The following FCHO1 variants were observed in gnomAD, a reference collection of about 807,000 sequenced individuals.
FCHO1 encodes F-BAR domain only protein 1.
FCHO1 carries 45 observed loss-of-function variants against 114.4 expected under a neutral mutation model. That is an observed-to-expected ratio of 0.39 (90% CI 0.31 to 0.50). The LOEUF (loss-of-function observed/expected upper bound fraction) is 0.50. FCHO1 is among the 20% of genes least tolerant of loss of function. FCHO1 has a pLI of 0.77. For missense variants in FCHO1, 1,042 were observed against 1,209.6 expected (o/e 0.86, Z 2.06); for synonymous variants, 480 against 488.9 (o/e 0.98, Z 0.24).
intron 4 of FCHO1, among the ~76,000 whole-genome samples, chr19:17,759,620 G>A (rs936037312): frequency 3.9e-5 from 6 of 152,022 alleles, no homozygotes; most frequent in African/African-American, 1.4e-4. Flanking sequence ...TCCAAGGGGT[G>A]GAGAGAAGCG....
chr19:17,782,261 G>A (rs1043636218), intron 23 of FCHO1, among the ~76,000 whole-genome samples: 4 of 151,998 alleles, frequency 2.6e-5, no homozygotes, highest in African/African-American at 7.2e-5. Context: ...GGAGTGTAGT[G>A]GCGTGATCTC....
At chr19:17,763,885 T>C (rs2087560010) in intron 5 of FCHO1, among the ~76,000 whole-genome samples, 1 of 151,508 alleles carries the variant, frequency 6.6e-6, no homozygotes, top group Non-Finnish European at 1.5e-5. Flanking sequence ...TAATAAAATA[T>C]ATTACGTAAG....
intron 11 of FCHO1, 67 bp from the exon 12 acceptor site, chr19:17,774,172 G>C (rs777901244): frequency 7.9e-5 from 118 of 1,496,986 alleles, no homozygotes; most frequent in Admixed American, 7.2e-4. Context: ...GCCTCCCAAA[G>C]TGCTGGGATT....
At position 17,775,386 on chromosome 19, in the gene FCHO1, G is replaced by A. The variant is rs543213453; in HGVS notation, c.946-70G>A. 9.5e-6 allele frequency: 14 copies of A among 1,474,818 alleles called. No individual in the cohort carries two copies. Among genetic ancestry groups the A allele is most frequent in the Admixed American group, 3.3e-5 (2 of 59,786 alleles). The allele number at this position is 1,474,818 out of a possible 1,614,324, so 91.4% of individuals were successfully genotyped here. ...AAGGCCTGGGGGCAGGGCGGGGGGC[G>A]GTTGGCAGGGTGAGATGGAAGGTTC... is the stretch of plus-strand genomic sequence containing the variant. On this transcript the variant is annotated intron_variant, in intron 14 of 28. Coordinates refer to ENST00000596536, the MANE Select transcript of FCHO1 (RefSeq NM_015122.3). The surrounding 1 kb of genome is among the most constrained non-coding windows in gnomAD (Gnocchi z 5.1).
rs1342666050 is a variant in FCHO1 at position 17,751,736 on chromosome 19, G to A, written c.-183+159G>A. Among the ~76,000 whole-genome samples the A allele has an allele frequency of 2.0e-5, 3 of 152,188 alleles. No individual in the cohort carries two copies. Among genetic ancestry groups the A allele is most frequent in the Non-Finnish European group, 4.4e-5 (3 of 68,030 alleles). ...CCTGCATGGGGCCACCCGTTGCCCTGCCCCCCGTCCCCCATTCCAGCTGTG... is the reference window on the plus strand; with the variant it reads ...CCTGCATGGGGCCACCCGTTGCCCTACCCCCCGTCCCCCATTCCAGCTGTG... On this transcript the variant is annotated intron_variant, in intron 1 of 28. Coordinates refer to ENST00000596536, the MANE Select transcript of FCHO1 (RefSeq NM_015122.3). This position sits in a 1 kb window ranked among gnomAD's most constrained non-coding sequence, Gnocchi z 4.4.
intron 7 of FCHO1, among the ~76,000 whole-genome samples, chr19:17,768,040 G>A (rs1468117060): frequency 1.3e-5 from 2 of 152,114 alleles, no homozygotes; most frequent in African/African-American, 2.4e-5. Flanking sequence ...GTTTAAAAAG[G>A]GGGTTGGTAA....
chr19:17,760,722 T>C (rs1348212961), intron 4 of FCHO1, among the ~76,000 whole-genome samples: 2 of 152,122 alleles, frequency 1.3e-5, no homozygotes, highest in African/African-American at 4.8e-5. Flanking sequence ...TGATTTTGGC[T>C]CATTGTAACC....
chr19:17,752,398 A>G (rs1390057180), intron 1 of FCHO1: 1 of 152,048 alleles, frequency 6.6e-6, no homozygotes, highest in Non-Finnish European at 1.5e-5. Flanking sequence ...AGCTGGGACT[A>G]CAGGTGTGTG....
intron 22 of FCHO1, 72 bp downstream of exon 22, chr19:17,781,611 T>A: frequency 6.3e-7 from 1 of 1,577,288 alleles, no homozygotes; most frequent in South Asian, 1.1e-5. Context: ...GGGTGGCTTC[T>A]CTGTTGGCAG....
intron 6 of FCHO1, 50 bp from the exon 7 acceptor site, chr19:17,766,619 G>A (rs775449822): frequency 1.9e-6 from 3 of 1,610,148 alleles, no homozygotes; most frequent in East Asian, 2.2e-5. Context: ...GCGCTGTCCC[G>A]GGGTGGGGTG....
At chr19:17,756,156 C>G (rs2083424410) in intron 4 of FCHO1, among the ~76,000 whole-genome samples, 1 of 152,202 alleles carries the variant, frequency 6.6e-6, no homozygotes, top group Non-Finnish European at 1.5e-5. Flanking sequence ...GCTCCCTCCC[C>G]AGCTGGGGCT....
intron 4 of FCHO1, among the ~76,000 whole-genome samples, chr19:17,760,023 A>G (rs1054961492): frequency 2.0e-5 from 3 of 149,090 alleles, no homozygotes; most frequent in Non-Finnish European, 4.4e-5. Context: ...ATCCTGAAAT[A>G]TGTTGTGTCT....
chr19:17,759,469 C>T lies in FCHO1; in HGVS notation c.28-3293C>T, dbSNP rs1021468396. On this transcript the variant is annotated intron_variant, in intron 4 of 28. Transcript: ENST00000596536. The stretch of plus-strand genomic sequence containing the variant: ...AACTCTTGACCTCGAGTGATTTGCC[C>T]GCCTCAGCCTCCTGAAGTGCTGGGA... Among the ~76,000 whole-genome samples, 3 of 151,702 alleles carry T rather than the reference C, an allele frequency of 2.0e-5. No homozygotes were observed. The South Asian group carries it at 6.3e-4, about 32-fold the overall frequency.
At chr19:17,781,863 TGGG>T in intron 23 of FCHO1, 43 bp downstream of exon 23, 2 of 1,353,430 alleles carry the variant, frequency 1.5e-6, no homozygotes, top group Non-Finnish European at 2.1e-6. Context: ...AAGTCTGTGT[TGGG>T]GGAGTCCAGC....
intron 4 of FCHO1, among the ~76,000 whole-genome samples, chr19:17,761,483 C>T (rs898430265): frequency 6.6e-6 from 1 of 150,786 alleles, no homozygotes; most frequent in Non-Finnish European, 1.5e-5. Flanking sequence ...TGTATAGAAA[C>T]GCTACTGATT....
intron 7 of FCHO1, among the ~76,000 whole-genome samples, chr19:17,767,606 A>G (rs1049971897): frequency 6.6e-6 from 1 of 151,360 alleles, no homozygotes; most frequent in Non-Finnish European, 1.5e-5. Flanking sequence ...ATGGGTTATC[A>G]CTGGTTTTTA....
At chr19:17,781,039 G>A (rs777516515) in intron 20 of FCHO1, among the ~76,000 whole-genome samples, 192 bp from the exon 21 acceptor site, 7 of 152,236 alleles carry the variant, frequency 4.6e-5, no homozygotes, top group Non-Finnish European at 1.0e-4. Flanking sequence ...TCTGGTGTCT[G>A]GGAGGGTTGG....
At chr19:17,763,243 G>A (rs933833502) in intron 5 of FCHO1, among the ~76,000 whole-genome samples, 1 of 140,062 alleles carries the variant, frequency 7.1e-6, no homozygotes, top group African/African-American at 2.6e-5. Context: ...CTATAGGCAT[G>A]TACCACCACA....
chr19:17,761,946 A>G (rs943815608), intron 4 of FCHO1, among the ~76,000 whole-genome samples: 5 of 149,312 alleles, frequency 3.3e-5, no homozygotes, highest in African/African-American at 1.2e-4. Flanking sequence ...GGCGTGACCC[A>G]CTCCAATTTA....
Sources: allele counts gnomAD v4.1 joint callset (sites outside exome capture counted in the v4.1 genomes callset), GRCh38; gene constraint gnomAD v4.1.1; non-coding constraint Gnocchi (gnomAD v3.1); transcripts MANE v1.5; gene names NCBI Gene and HGNC (gene_info 2026-07-23, HGNC 2026-07-21).